COPG2: variants seen among roughly 807,000 people sequenced by gnomAD.
The protein encoded by COPG2 is coat protein complex I subunit gamma 2.
A neutral mutation model predicts 46.3 loss-of-function variants in COPG2; 37 were observed. That is an observed-to-expected ratio of 0.80 (90% CI 0.61 to 1.05). The LOEUF (loss-of-function observed/expected upper bound fraction) is 1.05. Ranked by LOEUF, COPG2 falls within the 50% of genes least tolerant of loss-of-function variation. COPG2 has a pLI of 0.00. For missense variants in COPG2, 427 were observed against 387.8 expected, an observed-to-expected ratio of 1.10 and a Z score of -0.85; for synonymous variants, 159 against 129.7, an observed-to-expected ratio of 1.23 and a Z score of -1.53.
chr7:130,647,641 TGTTC>T (rs1795641492), intron 5 of COPG2, among the ~76,000 whole-genome samples: 1 of 152,156 alleles, frequency 6.6e-6, no homozygotes, highest in Non-Finnish European at 1.5e-5. Flanking sequence ...TTGTTCCAAA[TGTTC>T]GATATTGGAA....
chr7:130,628,900 TAGTC>T (rs1206570960), intron 5 of COPG2, among the ~76,000 whole-genome samples: 35 of 152,088 alleles, frequency 2.3e-4, no homozygotes, highest in Non-Finnish European at 4.7e-4. Context: ...AATAAAAAAT[TAGTC>T]AGGCATAGTA....
At position 130,554,587 on chromosome 7, in the gene COPG2, C is replaced by G; in HGVS notation, c.1362G>C (p.Lys454Asn). ...CCTCTTTGCCCAACAAGTGTAGAAT[C>G]TTAGTAGCCAGAACAGTGTGTTCAC... ...EDCEHTVLAT[K>N]ILHLLGKEGP... The change falls in exon 14 of 24, where the codon AAG becomes AAC. Residue 454 changes from lysine to asparagine, a missense_variant. Transcript: ENST00000425248. 1 of 398,444 alleles carries G rather than the reference C, an allele frequency of 2.5e-6. No homozygotes were observed. Among genetic ancestry groups the G allele is most frequent in the Non-Finnish European group, 4.4e-6 (1 of 226,022 alleles). 24.7% of individuals were successfully genotyped at this position (398,444 alleles called of 1,614,324 possible).
chr7:130,551,117 G>C (rs1458473275), intron 16 of COPG2, 124 bp downstream of exon 16: 1 of 392,544 alleles, frequency 2.5e-6, no homozygotes, highest in Non-Finnish European at 4.5e-6. Flanking sequence ...TCTAGAAATG[G>C]AAGTGCACTC....
chr7:130,571,094 A>G (rs1793888584), intron 9 of COPG2, among the ~76,000 whole-genome samples: 1 of 152,194 alleles, frequency 6.6e-6, no homozygotes, highest in East Asian at 1.9e-4. Flanking sequence ...AACCATTAAA[A>G]TCCTAGAACA....
intron 9 of COPG2, among the ~76,000 whole-genome samples, chr7:130,592,484 T>C (rs951329907): frequency 1.3e-5 from 2 of 151,290 alleles, no homozygotes; most frequent in Non-Finnish European, 2.9e-5. Flanking sequence ...AATATTATAA[T>C]AATAACAAAG....
At chr7:130,626,312 C>A (rs10281580) in intron 5 of COPG2, among the ~76,000 whole-genome samples, 2 of 151,774 alleles carry the variant, frequency 1.3e-5, no homozygotes, top group African/African-American at 4.9e-5. Flanking sequence ...AAACCCCTCC[C>A]TGACCAGAGA....
At chr7:130,660,664 T>C (rs1795959522) in intron 4 of COPG2, among the ~76,000 whole-genome samples, 1 of 152,214 alleles carries the variant, frequency 6.6e-6, no homozygotes, top group Admixed American at 6.5e-5. Context: ...TTAATATCCA[T>C]ACAGATGGTA....
At chr7:130,632,369 C>G (rs1795249429) in intron 5 of COPG2, among the ~76,000 whole-genome samples, 1 of 152,154 alleles carries the variant, frequency 6.6e-6, no homozygotes, top group Non-Finnish European at 1.5e-5. Context: ...TTGGTGCTTT[C>G]AACAGTTTTC....
intron 20 of COPG2, among the ~76,000 whole-genome samples, chr7:130,542,655 T>C (rs1793354329): frequency 6.6e-6 from 1 of 152,096 alleles, no homozygotes; most frequent in African/African-American, 2.4e-5. Flanking sequence ...CAACACTGTG[T>C]GTAGACTGTG....
intron 21 of COPG2, chr7:130,508,276 A>G: frequency 3.3e-6 from 1 of 301,504 alleles, no homozygotes; most frequent in African/African-American, 2.2e-5. Flanking sequence ...ACTGATCTCA[A>G]TGAAAATCAT....
chr7:130,549,101 C>T (rs941991412), intron 18 of COPG2, among the ~76,000 whole-genome samples: 37 of 149,000 alleles, frequency 2.5e-4, no homozygotes, highest in Non-Finnish European at 1.6e-4. Flanking sequence ...TGTTAACCAA[C>T]GAGATACAGA....
intron 5 of COPG2, among the ~76,000 whole-genome samples, chr7:130,636,863 G>GT (rs1163835249): frequency 6.6e-6 from 1 of 152,130 alleles, no homozygotes; most frequent in African/African-American, 2.4e-5. Flanking sequence ...GCTGACACTT[G>GT]TTTTTCCTTT....
chr7:130,575,492 C>T (rs1554446091), intron 9 of COPG2, among the ~76,000 whole-genome samples: 1 of 152,074 alleles, frequency 6.6e-6, no homozygotes, highest in South Asian at 2.1e-4. Context: ...CTTTTTCAGA[C>T]AAACAAATGC....
In COPG2 at chr7:130,594,222, TCA is replaced by T. The variant is rs1231813541; in HGVS notation, c.737+16729_737+16730del. ...GTAATTAGGAAATTAGAAATTAAAA[TCA>T]CAATTCTTTGACAAGCACACCAAGA... On this transcript the variant is annotated intron_variant, in intron 9 of 23. Coordinates refer to ENST00000425248, the MANE Select transcript of COPG2 (RefSeq NM_012133.6). 5.3e-5 allele frequency among the ~76,000 whole-genome samples: 8 copies of T among 152,236 alleles called. No homozygotes were observed. The East Asian group carries it at 1.5e-3, about 29-fold the overall frequency.
At chr7:130,588,278 C>T (rs1409561669) in intron 9 of COPG2, among the ~76,000 whole-genome samples, 2 of 151,776 alleles carry the variant, frequency 1.3e-5, no homozygotes, top group African/African-American at 4.8e-5. Context: ...CCATTTGACC[C>T]AGCCATCCCA....
At chr7:130,541,743 C>G (rs976346978) in intron 20 of COPG2, among the ~76,000 whole-genome samples, 6 of 148,788 alleles carry the variant, frequency 4.0e-5, no homozygotes, top group Admixed American at 2.0e-4. Context: ...TGAGCTTGGA[C>G]AGCAGAGCGT....
intron 9 of COPG2, among the ~76,000 whole-genome samples, chr7:130,590,222 TCTCTCCCTCTCCCCACGGTCTCC>T (rs1447899498): frequency 1.9e-4 from 27 of 145,846 alleles, no homozygotes; most frequent in South Asian, 1.3e-3. Flanking sequence ...CCACGGTCTC[TCTCTCCCTCTCCCCACGGTCTCC>T]CTCTCCCTCT....
At chr7:130,657,358 C>A (rs1554460034) in intron 4 of COPG2, among the ~76,000 whole-genome samples, 1 of 152,052 alleles carries the variant, frequency 6.6e-6, no homozygotes, top group African/African-American at 2.4e-5. Flanking sequence ...AAGAAACCAA[C>A]CATTACTTTA....
intron 3 of COPG2, among the ~76,000 whole-genome samples, chr7:130,663,640 T>C (rs1427845299): frequency 6.6e-6 from 1 of 151,886 alleles, no homozygotes; most frequent in Non-Finnish European, 1.5e-5. Flanking sequence ...AACAGTTTAA[T>C]GAGCATGACA....
Sources: allele counts gnomAD v4.1 joint callset (sites outside exome capture counted in the v4.1 genomes callset), GRCh38; gene constraint gnomAD v4.1.1; transcripts MANE v1.5; gene names NCBI Gene and HGNC (gene_info 2026-07-23, HGNC 2026-07-21).